The following SGCZ variants were observed in gnomAD, a reference collection of about 807,000 sequenced individuals.
The protein encoded by SGCZ is sarcoglycan zeta, also known as zeta-sarcoglycan.
Under a neutral mutation model 41.3 loss-of-function variants are expected in SGCZ, and 40 were observed. The observed-to-expected ratio is 0.97, with a 90% confidence interval of 0.75 to 1.26. The LOEUF is 1.26. SGCZ is among the 50% of genes most tolerant of loss of function. The pLI, the probability that SGCZ is intolerant of heterozygous loss-of-function variation, is 0.00. For missense variants in SGCZ, 552 were observed against 369.8 expected (o/e 1.49, Z -4.04); for synonymous variants, 206 against 137.5 (o/e 1.50, Z -3.49).
intron 5 of SGCZ, among the ~76,000 whole-genome samples, chr8:14,110,996 G>A (rs551462778): frequency 2.0e-5 from 3 of 152,188 alleles, no homozygotes; most frequent in Admixed American, 1.3e-4. Context: ...AAAGGTTGCA[G>A]TGAGCTGAGA....
At chr8:14,362,051 T>C (rs1803534600) in intron 2 of SGCZ, among the ~76,000 whole-genome samples, 3 of 152,156 alleles carry the variant, frequency 2.0e-5, no homozygotes, top group South Asian at 4.1e-4. Context: ...ATCCTTCCTC[T>C]AGAAGCTTCA....
intron 3 of SGCZ, among the ~76,000 whole-genome samples, chr8:14,278,132 G>A (rs1199137975): frequency 6.6e-6 from 1 of 152,078 alleles, no homozygotes; most frequent in East Asian, 1.9e-4. Flanking sequence ...ACTATTGTCT[G>A]GTTTGGCTAG....
chr8:14,378,658 G>C (rs989890319), intron 2 of SGCZ, among the ~76,000 whole-genome samples: 31 of 152,174 alleles, frequency 2.0e-4, no homozygotes, highest in Non-Finnish European at 4.1e-4. Context: ...TTGGTCACAA[G>C]TATAGGTAGC....
chr8:14,917,791 T>G (rs1214929129), intron 1 of SGCZ, among the ~76,000 whole-genome samples: 1 of 152,142 alleles, frequency 6.6e-6, no homozygotes, highest in African/African-American at 2.4e-5. Flanking sequence ...AATGATTTCG[T>G]GTCTTCTATT....
At chr8:15,041,448 T>C (rs1015244960) in intron 1 of SGCZ, among the ~76,000 whole-genome samples, 9 of 152,082 alleles carry the variant, frequency 5.9e-5, no homozygotes, top group Admixed American at 6.5e-5. Context: ...TATTATTTCA[T>C]AGTAATTACA....
intron 1 of SGCZ, among the ~76,000 whole-genome samples, chr8:15,049,274 G>A (rs983514773): frequency 2.0e-5 from 3 of 152,056 alleles, no homozygotes; most frequent in African/African-American, 7.2e-5. Context: ...TTTAAGGGAG[G>A]AAATTCAATA....
chr8:14,329,564 T>C (rs568287103), intron 2 of SGCZ, among the ~76,000 whole-genome samples: 64 of 152,088 alleles, frequency 4.2e-4, no homozygotes, highest in African/African-American at 1.5e-3. Context: ...CTGTTTATAT[T>C]GTTATTTTAT....
At chr8:14,702,671 G>T (rs1240224263) in intron 1 of SGCZ, among the ~76,000 whole-genome samples, 2 of 151,644 alleles carry the variant, frequency 1.3e-5, no homozygotes, top group Non-Finnish European at 2.9e-5. Flanking sequence ...ACACCTTGGG[G>T]TCACTGATGA....
At chr8:14,834,493 G>C (rs1265506474) in intron 1 of SGCZ, among the ~76,000 whole-genome samples, 1 of 152,186 alleles carries the variant, frequency 6.6e-6, no homozygotes, top group East Asian at 1.9e-4. Flanking sequence ...AGGAATTCAG[G>C]CTGCCAAAGA....
chr8:14,177,210 G>A (rs1234459490), intron 4 of SGCZ, among the ~76,000 whole-genome samples: 1 of 152,018 alleles, frequency 6.6e-6, no homozygotes, highest in Non-Finnish European at 1.5e-5. Context: ...AGTGGGGACT[G>A]GGCACCTATT....
At chr8:14,442,800 T>C (rs564018781) in intron 2 of SGCZ, among the ~76,000 whole-genome samples, 4 of 152,198 alleles carry the variant, frequency 2.6e-5, no homozygotes, top group Non-Finnish European at 4.4e-5. Context: ...TAAATTTGTT[T>C]TATTGTTGTT....
At chr8:14,726,282 AC>A (rs1810048634) in intron 1 of SGCZ, among the ~76,000 whole-genome samples, 1 of 139,320 alleles carries the variant, frequency 7.2e-6, no homozygotes, top group Non-Finnish European at 1.6e-5. Flanking sequence ...AAAAAATCAT[AC>A]GCGTGTGTGT....
At chr8:14,919,212 G>A (rs1799521507) in intron 1 of SGCZ, among the ~76,000 whole-genome samples, 2 of 152,164 alleles carry the variant, frequency 1.3e-5, no homozygotes, top group African/African-American at 2.4e-5. Flanking sequence ...GCCGAGGCAG[G>A]TGGATTGCCT....
chr8:14,239,997 G>C (rs1396576748), intron 3 of SGCZ, among the ~76,000 whole-genome samples: 2 of 150,036 alleles, frequency 1.3e-5, no homozygotes, highest in African/African-American at 4.9e-5. Flanking sequence ...GCAATGGATA[G>C]TTTACTTAAT....
intron 1 of SGCZ, among the ~76,000 whole-genome samples, chr8:14,586,133 TTG>T (rs1479048762): frequency 6.6e-6 from 1 of 152,192 alleles, no homozygotes; most frequent in Non-Finnish European, 1.5e-5. Context: ...ATAATCATCG[TTG>T]TCTTAGATTT....
At chr8:14,374,051 G>C (rs1174462915) in intron 2 of SGCZ, among the ~76,000 whole-genome samples, 3 of 152,162 alleles carry the variant, frequency 2.0e-5, no homozygotes, top group African/African-American at 7.2e-5. Context: ...TGAGAAGATG[G>C]AGACTTGCTA....
chr8:15,131,226 G>C (rs1312254735), intron 1 of SGCZ, among the ~76,000 whole-genome samples: 18 of 152,122 alleles, frequency 1.2e-4, no homozygotes, highest in Admixed American at 1.2e-3. Flanking sequence ...CTGTGGGAAG[G>C]GCCCAGTGGG....
At chr8:14,802,112 C>G (rs750575278) in intron 1 of SGCZ, among the ~76,000 whole-genome samples, 1 of 152,126 alleles carries the variant, frequency 6.6e-6, no homozygotes, top group Non-Finnish European at 1.5e-5. Flanking sequence ...TATGATTTAG[C>G]CAGAAGGTTG....
intron 2 of SGCZ, among the ~76,000 whole-genome samples, chr8:14,355,600 CAAT>C (rs1803266585): frequency 6.6e-6 from 1 of 151,620 alleles, no homozygotes; most frequent in Non-Finnish European, 1.5e-5. Context: ...TTAATTAAAA[CAAT>C]AAAAACGAGA....
Sources: allele counts gnomAD v4.1 joint callset (sites outside exome capture counted in the v4.1 genomes callset), GRCh38; gene constraint gnomAD v4.1.1; transcripts MANE v1.5; gene names NCBI Gene and HGNC (gene_info 2026-07-23, HGNC 2026-07-21).